The following ZRANB3 variants were observed in gnomAD, a reference collection of about 807,000 sequenced individuals.
ZRANB3 encodes the protein zinc finger RANBP2-type containing 3.
A neutral mutation model predicts 133.8 loss-of-function variants in ZRANB3; 125 were observed. That is an observed-to-expected ratio of 0.93 (90% confidence interval 0.81 to 1.08). The LOEUF is 1.08. Ranked by LOEUF, ZRANB3 falls within the 50% of genes least tolerant of loss-of-function variation. The pLI is 0.00. For synonymous variants in ZRANB3, 387 were observed against 432.7 expected, an observed-to-expected ratio of 0.89 and a Z score of 1.31; for missense variants, 1,229 against 1,275.5, an observed-to-expected ratio of 0.96 and a Z score of 0.56.
intron 5 of ZRANB3, among the ~76,000 whole-genome samples, chr2:135,347,576 C>T (rs1316859258): frequency 6.6e-6 from 1 of 152,174 alleles, no homozygotes; most frequent in Non-Finnish European, 1.5e-5. Context: ...GCCATTGCTC[C>T]CGGCCTGTTT....
intron 1 of ZRANB3, chr2:135,511,625 T>G (rs1693456606): frequency 1.3e-6 from 1 of 784,982 alleles, no homozygotes; most frequent in African/African-American, 1.7e-5. Context: ...TGCATGAATC[T>G]CCTCAAAGCC....
At chr2:135,241,641 T>G (rs926738852) in intron 12 of ZRANB3, among the ~76,000 whole-genome samples, 3 of 152,118 alleles carry the variant, frequency 2.0e-5, no homozygotes, top group African/African-American at 7.2e-5. Context: ...TGGGACATGC[T>G]GACTGAACAT....
At position 135,285,448 on chromosome 2, in the gene ZRANB3, A is replaced by C. The variant is rs1048682419; in HGVS notation, c.967-9693T>G. ...GAAACTACAGAACTGGCACAAGAAGAAGCACTCTTCAGTCTCATATCTTCC... is the reference window on the plus strand; with the variant it reads ...GAAACTACAGAACTGGCACAAGAAGCAGCACTCTTCAGTCTCATATCTTCC... On this transcript the variant is annotated intron_variant, in intron 8 of 20. Coordinates refer to ENST00000264159, the MANE Select transcript of ZRANB3 (RefSeq NM_032143.4). 3.9e-5 allele frequency among the ~76,000 whole-genome samples: 6 copies of C among 152,230 alleles called. No individual in the cohort carries two copies. The East Asian group carries it at 7.7e-4, about 20-fold the overall frequency.
intron 12 of ZRANB3, among the ~76,000 whole-genome samples, chr2:135,252,297 CAT>C (rs1679437176): frequency 1.3e-5 from 2 of 152,164 alleles, no homozygotes; most frequent in Admixed American, 1.3e-4. Context: ...CCCTGTGACA[CAT>C]GTTTACCTAT....
chr2:135,322,228 T>C (rs1573907459), intron 6 of ZRANB3, among the ~76,000 whole-genome samples: 1 of 152,216 alleles, frequency 6.6e-6, no homozygotes, highest in Non-Finnish European at 1.5e-5. Flanking sequence ...GTGATTTACA[T>C]GTGTCTCCTG....
rs1177438717 is a variant in ZRANB3 at position 135,245,926 on chromosome 2, C to CA, written c.1540-15000dup. ...GGGCAACGAGATTGAAACTCCGTCT[C>CA]AAAAAAAAAAAAAAAAAAAAAAGAG... On this transcript the variant is annotated intron_variant, in intron 12 of 20. Coordinates refer to ENST00000264159, the MANE Select transcript of ZRANB3 (RefSeq NM_032143.4). 8.6e-3 allele frequency among the ~76,000 whole-genome samples: 166 copies of CA among 19,350 alleles called. 8 individuals carry two copies. The highest frequency in any genetic ancestry group is 0.015 in the East Asian group (2 of 132). 12.7% of individuals were successfully genotyped at this position (19,350 alleles called of 152,430 possible).
chr2:135,232,768 G>A (rs1021301422), intron 12 of ZRANB3, among the ~76,000 whole-genome samples: 15 of 152,278 alleles, frequency 9.9e-5, no homozygotes, highest in African/African-American at 3.1e-4. Flanking sequence ...AAACAGAAAG[G>A]ACATCCACAC....
chr2:135,268,027 T>A (rs1160848967), intron 11 of ZRANB3, among the ~76,000 whole-genome samples: 1 of 152,168 alleles, frequency 6.6e-6, no homozygotes, highest in African/African-American at 2.4e-5. Flanking sequence ...TCAACCATAC[T>A]GGCATCCTAA....
intron 6 of ZRANB3, among the ~76,000 whole-genome samples, chr2:135,330,631 C>T (rs1042871214): frequency 2.6e-5 from 4 of 152,124 alleles, no homozygotes; most frequent in African/African-American, 9.7e-5. Flanking sequence ...AGGAATGGCA[C>T]GAGCTCCTCT....
chr2:135,530,321 A>T (rs940208530), intron 1 of ZRANB3, among the ~76,000 whole-genome samples: 2 of 152,194 alleles, frequency 1.3e-5, no homozygotes, highest in African/African-American at 4.8e-5. Context: ...ACTTTCTACA[A>T]ATTTAGCCGT....
chr2:135,517,701 C>G (rs1054352725), intron 1 of ZRANB3, among the ~76,000 whole-genome samples: 1 of 152,170 alleles, frequency 6.6e-6, no homozygotes, highest in Non-Finnish European at 1.5e-5. Flanking sequence ...CTGTTGACCC[C>G]TGCTGGGAGG....
At chr2:135,528,073 G>A (rs1694232293) in intron 1 of ZRANB3, among the ~76,000 whole-genome samples, 1 of 151,878 alleles carries the variant, frequency 6.6e-6, no homozygotes, top group Non-Finnish European at 1.5e-5. Context: ...AAGAGTTCAG[G>A]AATTAGACAG....
At chr2:135,334,144 A>C (rs1352287773) in intron 6 of ZRANB3, among the ~76,000 whole-genome samples, 1 of 152,206 alleles carries the variant, frequency 6.6e-6, no homozygotes, top group Admixed American at 6.5e-5. Flanking sequence ...TCTCTAATGC[A>C]TATCTGATGG....
intron 2 of ZRANB3, among the ~76,000 whole-genome samples, chr2:135,416,056 G>T (rs1477366138): frequency 6.6e-6 from 1 of 152,052 alleles, no homozygotes; most frequent in Non-Finnish European, 1.5e-5. Flanking sequence ...ACAAGACAGG[G>T]ATGCCCTCGC....
chr2:135,348,992 G>A (rs1444202411), intron 5 of ZRANB3, among the ~76,000 whole-genome samples: 3 of 151,994 alleles, frequency 2.0e-5, no homozygotes, highest in East Asian at 3.9e-4. Context: ...CATAATTTGT[G>A]GACATAATGT....
chr2:135,278,130 G>A (rs1049280467), intron 8 of ZRANB3, among the ~76,000 whole-genome samples: 6 of 152,156 alleles, frequency 3.9e-5, no homozygotes, highest in South Asian at 2.1e-4. Context: ...GACCCACTAC[G>A]TGTCTTTCAC....
rs1412156481 is a variant in ZRANB3, at chr2:135,207,572, T to C, written c.2871A>G (p.Val957=). The part of the protein sequence containing the change: ...RSNNSYLRAK[V]FETEHGVCQL... ...GACACACACCATGTTCAGTTTCAAA[T>C]ACTTTGGCTCTCAGGTAACTGTTAT... The change falls in exon 19 of 21, where the codon GTA becomes GTG. Residue 957 remains valine (V), a synonymous_variant. Transcript: ENST00000264159. The C allele has an allele frequency of 3.7e-6, 6 of 1,614,036 alleles. 1 individual carries two copies. In the South Asian group the frequency reaches 5.5e-5, roughly 15 times the overall value.
chr2:135,214,839 C>G (rs1471526062), intron 17 of ZRANB3, among the ~76,000 whole-genome samples: 1 of 152,172 alleles, frequency 6.6e-6, no homozygotes, highest in African/African-American at 2.4e-5. Context: ...AAACTGGCAA[C>G]TTATGGATAA....
At chr2:135,359,650 A>C (rs1685585843) in intron 3 of ZRANB3, among the ~76,000 whole-genome samples, 1 of 152,068 alleles carries the variant, frequency 6.6e-6, no homozygotes, top group Non-Finnish European at 1.5e-5. Context: ...AAAGAAGAAA[A>C]GAAAATTTCT....
Sources: gnomAD v4.1 joint callset for allele counts (sites outside exome capture counted in the v4.1 genomes callset) on GRCh38, gnomAD v4.1.1 for gene constraint, MANE v1.5 for transcripts, NCBI Gene and HGNC (gene_info 2026-07-23, HGNC 2026-07-21) for gene names.